ENSA: variants seen among roughly 807,000 people sequenced by gnomAD.
ENSA encodes the protein endosulfine alpha.
ENSA carries 7 observed loss-of-function variants against 16.8 expected under a neutral mutation model. The observed-to-expected ratio is 0.42, with a 90% CI of 0.24 to 0.78. The LOEUF is 0.78. Ranked by LOEUF, ENSA falls within the 30% of genes least tolerant of loss-of-function variation. The pLI is 0.29. For missense variants in ENSA, 87 were observed against 142.3 expected, an observed-to-expected ratio of 0.61 and a Z score of 1.98; for synonymous variants, 58 against 53.4, an observed-to-expected ratio of 1.09 and a Z score of -0.37.
intron 1 of ENSA, chr1:150,628,983 T>C: frequency 1.3e-5 from 20 of 1,515,200 alleles, no homozygotes; most frequent in Non-Finnish European, 1.8e-5. Flanking sequence ...TACTGGTTTT[T>C]TTTTAAACGT....
chr1:150,628,024 C>T (rs1189916054), intron 1 of ENSA, among the ~76,000 whole-genome samples: 1 of 152,094 alleles, frequency 6.6e-6, no homozygotes, highest in Non-Finnish European at 1.5e-5. Context: ...GGGCTGGGAG[C>T]AGTGACTCAT....
chr1:150,624,995 A>G (rs1172911510), intron 3 of ENSA: 3 of 985,266 alleles, frequency 3.0e-6, no homozygotes, highest in East Asian at 1.1e-4. Flanking sequence ...AACATGCTGG[A>G]AGAGAGAGAG....
At chr1:150,627,960 G>T (rs768039313) in intron 1 of ENSA, among the ~76,000 whole-genome samples, 2 of 152,028 alleles carry the variant, frequency 1.3e-5, no homozygotes, top group Non-Finnish European at 2.9e-5. Flanking sequence ...TGAGTAGCAG[G>T]GTTCCCTAGG....
intron 2 of ENSA, chr1:150,626,991 G>C (rs1649377379): frequency 2.0e-6 from 2 of 1,011,740 alleles, no homozygotes; most frequent in Non-Finnish European, 2.4e-6. Context: ...AAATACATTT[G>C]CTGCAGGAGT....
intron 2 of ENSA, 29 bp from the exon 3 acceptor site, chr1:150,625,837 G>A (rs781464885): frequency 6.4e-7 from 1 of 1,557,054 alleles, no homozygotes; most frequent in East Asian, 2.3e-5. Context: ...GTTTAGGTGA[G>A]TGAGGACTCT....
intron 3 of ENSA, 104 bp from the exon 4 acceptor site, chr1:150,622,963 A>T: frequency 1.4e-6 from 2 of 1,401,448 alleles, no homozygotes; most frequent in Non-Finnish European, 1.9e-6. Context: ...ATTCCTCCAC[A>T]TTTAACAACC....
At chr1:150,623,468 T>C in intron 3 of ENSA, 2 of 985,818 alleles carry the variant, frequency 2.0e-6, no homozygotes, top group Non-Finnish European at 2.4e-6. Flanking sequence ...ACCAACAGTT[T>C]TTCTGATTTC....
intron 3 of ENSA, chr1:150,624,478 C>T: frequency 1.0e-6 from 1 of 985,922 alleles, no homozygotes. Flanking sequence ...GCCTGCAGCT[C>T]CGCTGCCAGA....
At chr1:150,629,018 G>C in intron 1 of ENSA, 1 of 1,603,754 alleles carries the variant, frequency 6.2e-7, no homozygotes, top group Non-Finnish European at 8.5e-7. Context: ...CTATCTTTGC[G>C]GATTGAGGCT....
chr1:150,626,377 C>A, intron 2 of ENSA: 2 of 1,147,766 alleles, frequency 1.7e-6, no homozygotes, highest in African/African-American at 1.5e-5. Flanking sequence ...AGCCTGCCCA[C>A]GCCTGCCTTG....
chr1:150,627,580 T>C lies in ENSA; in HGVS notation c.70A>G (p.Lys24Glu). Residue 24 changes from lysine (K) to glutamate (E), a missense_variant, in exon 2 of 4, where the codon AAA (lysine) becomes GAA (glutamate). Coordinates refer to ENST00000369014, the MANE Select transcript of ENSA (RefSeq NM_004436.4). ...GCTCTCTCAGGCAGAATACCTTCTT[T>C]CTCCTGCGTGTCCTGGAGAAAACAA... ...TGEEKQDTQE[K>E]EGILPERAEE... 1 of 1,610,456 alleles carries C rather than the reference T, an allele frequency of 6.2e-7. No homozygotes were observed. The highest frequency in any genetic ancestry group is 8.5e-7 in the Non-Finnish European group (1 of 1,179,020).
Position 150,629,552 on chromosome 1 carries a change from G to A in ENSA, c.-82C>T, listed in dbSNP as rs1408588270. 6.5e-7 allele frequency: 1 copy of A among 1,537,224 alleles called. No individual in the cohort carries two copies. Among genetic ancestry groups the A allele is most frequent in the Admixed American group, 1.9e-5 (1 of 51,344 alleles). ...GGGGGAGGGGAAACGGGGACAACCT[G>A]CGCTGCTGCTTCGGCTCCTGTCACT... On this transcript the variant is annotated 5_prime_UTR_variant, in exon 1 of 4. Coordinates refer to ENST00000369014, the MANE Select transcript of ENSA (RefSeq NM_004436.4).
In ENSA at chr1:150,628,907, G is replaced by C. The variant is rs1328023928; in HGVS notation, c.57+507C>G. On this transcript the variant is annotated intron_variant, in intron 1 of 3. Coordinates refer to ENST00000369014, the MANE Select transcript of ENSA (RefSeq NM_004436.4). ...TAGACCATCCTTAGCTACTAAAATA[G>C]GTCTCTTGAGAAAGTTGCCGCCTTA... The C allele has an allele frequency of 4.2e-6, 3 of 718,500 alleles. No homozygotes were observed. In the East Asian group the frequency reaches 8.1e-5, roughly 19 times the overall value. 44.5% of individuals were successfully genotyped at this position (718,500 alleles called of 1,614,324 possible). A position where few individuals can be genotyped will look rare whatever the true frequency, so the allele number is the denominator to read the frequency against.
At chr1:150,625,474 T>C (rs587715685) in intron 3 of ENSA, 168 bp downstream of exon 3, 15 of 1,333,654 alleles carry the variant, frequency 1.1e-5, no homozygotes, top group African/African-American at 1.5e-5. Flanking sequence ...TAAATAAACT[T>C]AGAGCCCCTT....
In ENSA at chr1:150,625,632, C is replaced by A; in HGVS notation, c.350+10G>T. 2 of 1,587,924 alleles carry A rather than the reference C, an allele frequency of 1.3e-6. No homozygotes were observed. Among genetic ancestry groups the A allele is most frequent in the Non-Finnish European group, 1.7e-6 (2 of 1,165,342 alleles). On this transcript the variant is annotated intron_variant, in intron 3 of 3. Coordinates refer to ENST00000369014, the MANE Select transcript of ENSA (RefSeq NM_004436.4). ...GTTGAGGAAGGGGAGGAGAGGGGGG[C>A]TCAGGTTACCCCGCAAGCTTGCTGG...
At chr1:150,623,466 T>C (rs899402472) in intron 3 of ENSA, 1 of 985,690 alleles carries the variant, frequency 1.0e-6, no homozygotes, top group African/African-American at 1.7e-5. Flanking sequence ...AGACCAACAG[T>C]TTTTCTGATT....
intron 2 of ENSA, chr1:150,626,469 T>C (rs760423212): frequency 1.2e-6 from 2 of 1,610,854 alleles, no homozygotes; most frequent in Non-Finnish European, 1.7e-6. Flanking sequence ...CACAGGGATG[T>C]TTCACCCACC....
chr1:150,627,068 TTTC>T (rs1247779558), intron 2 of ENSA: 7 of 1,284,658 alleles, frequency 5.4e-6, no homozygotes, highest in Middle Eastern at 3.0e-4. Flanking sequence ...TGAGGATTTA[TTTC>T]TGTAGGAGAG....
rs770062514 is a variant in ENSA at position 150,625,662 on chromosome 1, G to C, written c.330C>G (p.Leu110=). 3 of 1,606,788 alleles carry C rather than the reference G, an allele frequency of 1.9e-6. No individual in the cohort carries two copies. The South Asian group carries it at 3.3e-5, about 18-fold the overall frequency. ...GTTACCCCGCAAGCTTGCTGGTGAC[G>C]AGCGAGGACTTTCTCTGGGGCAGAT... ...PQDLPQRKSS[L]VTSKLAGGQV... is the part of the protein sequence containing the mutation. Residue 110 remains leucine, a synonymous_variant, in exon 3 of 4, where the codon CTC becomes CTG. Coordinates refer to ENST00000369014, the MANE Select transcript of ENSA (RefSeq NM_004436.4).
Sources: allele counts gnomAD v4.1 joint callset (sites outside exome capture counted in the v4.1 genomes callset), GRCh38; gene constraint gnomAD v4.1.1; transcripts MANE v1.5; gene names NCBI Gene and HGNC (gene_info 2026-07-23, HGNC 2026-07-21).